Variants in PDE3A observed in about 807,000 individuals in gnomAD.
The protein encoded by PDE3A is phosphodiesterase 3A.
A neutral mutation model predicts 98.3 loss-of-function variants in PDE3A; 43 were observed. The ratio of observed to expected loss-of-function variants is 0.44; its 90% CI spans 0.34 to 0.56. The LOEUF (loss-of-function observed/expected upper bound fraction) is 0.56. PDE3A is among the 20% of genes least tolerant of loss of function. PDE3A has a pLI of 0.01. For synonymous variants in PDE3A, 663 were observed against 567.9 expected (o/e 1.17, Z -2.38); for missense variants, 1,427 against 1,440.7 (o/e 0.99, Z 0.15).
At chr12:20,500,982 G>T (rs1252671303) in intron 1 of PDE3A, among the ~76,000 whole-genome samples, 1 of 152,002 alleles carries the variant, frequency 6.6e-6, no homozygotes, top group Admixed American at 6.6e-5. Context: ...TGCCCAGGCT[G>T]GCCCTGAACT....
At chr12:20,533,550 C>A (rs924684010) in intron 1 of PDE3A, among the ~76,000 whole-genome samples, 1 of 148,498 alleles carries the variant, frequency 6.7e-6, no homozygotes, top group Non-Finnish European at 1.5e-5. Context: ...GGCGCCATTT[C>A]GGCTCACTGC....
intron 2 of PDE3A, among the ~76,000 whole-genome samples, chr12:20,592,707 G>T (rs1338869057): frequency 6.6e-6 from 1 of 152,132 alleles, no homozygotes; most frequent in Non-Finnish European, 1.5e-5. Flanking sequence ...TGCTCATGGG[G>T]ATCTGTGTTT....
chr12:20,563,539 T>C (rs1942582196), intron 2 of PDE3A, among the ~76,000 whole-genome samples: 1 of 151,964 alleles, frequency 6.6e-6, no homozygotes, highest in Admixed American at 6.5e-5. Flanking sequence ...GTCTTTCACT[T>C]GCATTTCTTC....
At position 20,681,146 on chromosome 12, in the gene PDE3A, C is replaced by G. The variant is rs1434076758; in HGVS notation, c.*875C>G. On this transcript the variant is annotated 3_prime_UTR_variant, in exon 16 of 16. Transcript: ENST00000359062. The stretch of plus-strand genomic sequence containing the variant: ...TGTTTGGTATTACATTACTGCTATG[C>G]ACCACTTGAAGGAGCTCTATCACCA... 3 of 152,066 alleles carry G rather than the reference C, an allele frequency of 2.0e-5. No individual in the cohort carries two copies. The highest frequency in any genetic ancestry group is 4.4e-5 in the Non-Finnish European group (3 of 68,060). 9.4% of individuals were successfully genotyped at this position (152,066 alleles called of 1,614,324 possible). A position where few individuals can be genotyped will look rare whatever the true frequency, so the allele number is the denominator to read the frequency against.
chr12:20,379,438 G>T (rs1234843767), intron 1 of PDE3A, among the ~76,000 whole-genome samples: 1 of 151,698 alleles, frequency 6.6e-6, no homozygotes, highest in Non-Finnish European at 1.5e-5. Context: ...AACTGCTTAT[G>T]CTGTATTGAG....
At chr12:20,488,358 T>G (rs1384762959) in intron 1 of PDE3A, among the ~76,000 whole-genome samples, 1 of 152,294 alleles carries the variant, frequency 6.6e-6, no homozygotes, top group Non-Finnish European at 1.5e-5. Flanking sequence ...TGAACAGGAA[T>G]TCTTGATATT....
intron 2 of PDE3A, among the ~76,000 whole-genome samples, chr12:20,595,973 G>GA (rs964877005): frequency 7.9e-5 from 12 of 151,754 alleles, no homozygotes; most frequent in Admixed American, 2.0e-4. Flanking sequence ...CTTATTTTCA[G>GA]AAAAAAACAT....
intron 1 of PDE3A, among the ~76,000 whole-genome samples, chr12:20,520,602 CT>C (rs1212009759): frequency 3.3e-5 from 5 of 152,110 alleles, no homozygotes; most frequent in African/African-American, 9.7e-5. Context: ...TGATAGTTGG[CT>C]TGTTTTACTG....
In PDE3A at chr12:20,637,220, G is replaced by A; in HGVS notation, c.2122G>A (p.Gly708Ser). The A allele has an allele frequency of 6.2e-7, 1 of 1,606,914 alleles. No homozygotes were observed. The highest frequency in any genetic ancestry group is 8.5e-7 in the Non-Finnish European group (1 of 1,175,270). The change falls in exon 9 of 16, where the codon GGC becomes AGC. Residue 708 changes from glycine to serine, a missense_variant. This residue lies in a region of PDE3A where 273 missense variants were observed against 420.3 expected (regional missense o/e 0.65). Transcript: ENST00000359062. The stretch of plus-strand genomic sequence containing the variant: ...AGTGGAAAATATAGGAAGAAAATGT[G>A]GCCGTATTCTTAGTCAGGTAAGAAA... ...DLVENIGRKC[G>S]RILSQVSYRL...
intron 1 of PDE3A, among the ~76,000 whole-genome samples, chr12:20,414,160 C>T (rs763663739): frequency 1.1e-4 from 17 of 152,050 alleles, no homozygotes; most frequent in South Asian, 2.1e-4. Flanking sequence ...TTTATGTATA[C>T]GTATATTTGA....
At chr12:20,370,392 TTTTTTTTG>T (rs1482466277) in intron 1 of PDE3A, 148 bp downstream of exon 1, 85 of 456,826 alleles carry the variant, frequency 1.9e-4, no homozygotes, top group Non-Finnish European at 2.5e-4. Context: ...CTAGCAGGTT[TTTTTTTTG>T]TTTTTTTTGT....
chr12:20,572,050 G>T, intron 2 of PDE3A: 1 of 1,187,830 alleles, frequency 8.4e-7, no homozygotes, highest in East Asian at 7.6e-5. Flanking sequence ...CAGTATTCAT[G>T]AAAGCATGTT....
chr12:20,675,227 G>A (rs1945604733), intron 15 of PDE3A, among the ~76,000 whole-genome samples: 1 of 151,832 alleles, frequency 6.6e-6, no homozygotes, highest in Admixed American at 6.6e-5. Flanking sequence ...AGTTTCCAAA[G>A]TTTCTTTTGT....
rs1565457457 is a variant in PDE3A, at chr12:20,635,056, G to A, written c.2001G>A (p.Leu667=). ...ATGCTCCTGAGACCATGATGTTTCT[G>A]GTAGTCCCATATCACTTAACTCACT... ...STYAPETMMF[L]DKPILAPEPL... The change falls in exon 8 of 16, where the codon CTG becomes CTA. Residue 667 remains leucine, a splice_region_variant and synonymous_variant. Transcript: ENST00000359062. 4 of 1,610,094 alleles carry A rather than the reference G, an allele frequency of 2.5e-6. No homozygotes were observed.
At chr12:20,395,527 C>CATAGTATA (rs1943997481) in intron 1 of PDE3A, among the ~76,000 whole-genome samples, 1 of 145,702 alleles carries the variant, frequency 6.9e-6, no homozygotes, top group African/African-American at 2.5e-5. Context: ...TATGTGTACA[C>CATAGTATA]ATAGTATAAT....
At chr12:20,384,239 T>C (rs531518112) in intron 1 of PDE3A, among the ~76,000 whole-genome samples, 1 of 151,158 alleles carries the variant, frequency 6.6e-6, no homozygotes, top group East Asian at 2.0e-4. Context: ...CCGGAAGATA[T>C]ACAAACTGGA....
chr12:20,369,707 T>C lies in PDE3A; in HGVS notation c.423T>C (p.Cys141=). ...CGGCGCTGCTCTTCAGTCTCCTGTG[T>C]GCCTTCTTCTGGATGGGCTTGTACC... ...QPSALLFSLL[C]AFFWMGLYLL... Residue 141 remains cysteine, a synonymous_variant, in exon 1 of 16, where the codon TGT becomes TGC. Coordinates refer to ENST00000359062, the MANE Select transcript of PDE3A (RefSeq NM_000921.5). 6.2e-7 allele frequency: 1 copy of C among 1,612,164 alleles called. No homozygotes were observed. The highest frequency in any genetic ancestry group is 1.1e-5 in the South Asian group (1 of 91,010).
At chr12:20,485,552 A>G (rs942812122) in intron 1 of PDE3A, among the ~76,000 whole-genome samples, 2 of 152,158 alleles carry the variant, frequency 1.3e-5, no homozygotes, top group Non-Finnish European at 2.9e-5. Context: ...CAGGGCTTAG[A>G]ATAAGACAAA....
intron 1 of PDE3A, among the ~76,000 whole-genome samples, chr12:20,397,405 A>G (rs1944038274): frequency 6.6e-6 from 1 of 152,046 alleles, no homozygotes; most frequent in Non-Finnish European, 1.5e-5. Context: ...AAACGTTTTG[A>G]GCCCTTTTGG....
Sources: allele counts gnomAD v4.1 joint callset (sites outside exome capture counted in the v4.1 genomes callset), GRCh38; gene constraint gnomAD v4.1.1; regional missense constraint gnomAD v4.1.1; transcripts MANE v1.5; gene names NCBI Gene and HGNC (gene_info 2026-07-23, HGNC 2026-07-21).